Variants in LRRIQ1 observed in about 807,000 individuals in gnomAD.
LRRIQ1 encodes the protein leucine-rich repeat- and IQ domain-containing protein 1.
In LRRIQ1, 210 loss-of-function variants were observed where a neutral mutation model predicts 211.9. That is an observed-to-expected ratio of 0.99 (90% CI 0.89 to 1.11). LRRIQ1 has a LOEUF of 1.11. Ranked by LOEUF, LRRIQ1 falls within the 50% of genes most tolerant of loss-of-function variation. The pLI, the probability that LRRIQ1 is intolerant of heterozygous loss-of-function variation, is 0.00. For synonymous variants in LRRIQ1, 699 were observed against 650.1 expected, an observed-to-expected ratio of 1.08 and a Z score of -1.14; for missense variants, 2,136 against 1,939.5, an observed-to-expected ratio of 1.10 and a Z score of -1.90.
intron 26 of LRRIQ1, among the ~76,000 whole-genome samples, chr12:85,234,881 A>C (rs1437889159): frequency 6.6e-6 from 1 of 152,182 alleles, no homozygotes; most frequent in Non-Finnish European, 1.5e-5. Flanking sequence ...ATTTATATAC[A>C]CTAGACTGGA....
At chr12:85,202,020 T>C (rs1778494395) in intron 24 of LRRIQ1, among the ~76,000 whole-genome samples, 2 of 152,196 alleles carry the variant, frequency 1.3e-5, no homozygotes, top group Non-Finnish European at 2.9e-5. Flanking sequence ...AAATAATTGA[T>C]TTCTGCCTTA....
intron 24 of LRRIQ1, among the ~76,000 whole-genome samples, chr12:85,174,991 T>A (rs563103894): frequency 2.6e-5 from 4 of 152,054 alleles, no homozygotes; most frequent in Non-Finnish European, 5.9e-5. Context: ...TAAAATATAT[T>A]GAATTTCCCA....
At chr12:85,145,286 T>G (rs536901856) in intron 19 of LRRIQ1, among the ~76,000 whole-genome samples, 1 of 151,704 alleles carries the variant, frequency 6.6e-6, no homozygotes, top group South Asian at 2.1e-4. Context: ...AAATATAAAA[T>G]TATCATGATA....
intron 3 of LRRIQ1, among the ~76,000 whole-genome samples, chr12:85,043,426 C>T (rs1051066279): frequency 2.0e-5 from 3 of 152,012 alleles, no homozygotes; most frequent in Non-Finnish European, 2.9e-5. Context: ...CTGTGGCTTT[C>T]GCTCCTCAGA....
At chr12:85,165,324 A>G (rs1341194620) in intron 24 of LRRIQ1, among the ~76,000 whole-genome samples, 1 of 151,716 alleles carries the variant, frequency 6.6e-6, no homozygotes. Flanking sequence ...CCTGGGGTCT[A>G]TTGTTTCTGT....
At chr12:85,116,548 CT>C (rs1887595363) in intron 15 of LRRIQ1, among the ~76,000 whole-genome samples, 2 of 152,214 alleles carry the variant, frequency 1.3e-5, no homozygotes, top group African/African-American at 4.8e-5. Flanking sequence ...CAGCAGTTTT[CT>C]TTTTTTCTGT....
chr12:85,091,133 G>T lies in LRRIQ1; in HGVS notation c.2888-7222G>T, dbSNP rs572294170. ...CTGCTCCCTAATTGCCTTTTACGAT[G>T]ATTGTAAGCTTCCTAAGGTCTCTCT... On this transcript the variant is annotated intron_variant, in intron 11 of 26. Transcript: ENST00000393217. 2.0e-5 allele frequency among the ~76,000 whole-genome samples: 3 copies of T among 152,200 alleles called. No homozygotes were observed. In the East Asian group the frequency reaches 5.8e-4, roughly 29 times the overall value.
chr12:85,057,188 T>C lies in LRRIQ1; in HGVS notation c.2391+4T>C, dbSNP rs560030898. On this transcript the variant is annotated splice_donor_region_variant and intron_variant, in intron 8 of 26. Transcript: ENST00000393217. ...CCCTTGGGATACTTTACAGCAGGTA[T>C]TTCTAATTTTATAATAATTTTTCAC... is the stretch of plus-strand genomic sequence containing the variant. 4.3e-6 allele frequency: 6 copies of C among 1,385,254 alleles called. No homozygotes were observed. The East Asian group carries it at 1.3e-4, about 29-fold the overall frequency. The allele number at this position is 1,385,254 out of a possible 1,614,324, so 85.8% of individuals were successfully genotyped here. A position where few individuals can be genotyped will look rare whatever the true frequency, so the allele number is the denominator to read the frequency against.
At chr12:85,153,228 A>G (rs1890346387) in intron 21 of LRRIQ1, 83 bp downstream of exon 21, 1 of 1,258,758 alleles carries the variant, frequency 7.9e-7, no homozygotes, top group Non-Finnish European at 1.1e-6. Context: ...CAATTATAAA[A>G]CTAGATGTGA....
chr12:85,073,059 T>G lies in LRRIQ1; in HGVS notation c.2848T>G (p.Ser950Ala). Residue 950 changes from serine to alanine, a missense_variant, in exon 11 of 27, where the codon TCA becomes GCA. Ser to Ala is a moderately conservative substitution (Grantham distance 99). Transcript: ENST00000393217. ...WIPITSLTKN[S>A]DCNFLISHLY... Reference sequence around the variant, plus strand: ...ACCTATTACCTCACTTACAAAAAATTCAGATTGTAATTTCCTTATCTCCCA... The same window carrying G: ...ACCTATTACCTCACTTACAAAAAATGCAGATTGTAATTTCCTTATCTCCCA... 1 of 1,609,126 alleles carries G rather than the reference T, an allele frequency of 6.2e-7. No individual in the cohort carries two copies. The highest frequency in any genetic ancestry group is 1.3e-5 in the African/African-American group (1 of 74,600).
intron 24 of LRRIQ1, among the ~76,000 whole-genome samples, chr12:85,176,660 T>C (rs1049821286): frequency 1.0e-4 from 15 of 150,432 alleles, no homozygotes; most frequent in Non-Finnish European, 8.9e-5. Context: ...AGTTAGTGGG[T>C]GCAGTGCACC....
At chr12:85,198,577 T>C (rs1893125543) in intron 24 of LRRIQ1, among the ~76,000 whole-genome samples, 2 of 151,692 alleles carry the variant, frequency 1.3e-5, no homozygotes, top group South Asian at 4.1e-4. Flanking sequence ...TTAAGCATTT[T>C]TTTTTTTTGA....
At chr12:85,155,244 TA>T (rs1214218430) in intron 23 of LRRIQ1, among the ~76,000 whole-genome samples, 1 of 151,594 alleles carries the variant, frequency 6.6e-6, no homozygotes. Flanking sequence ...TTTTCAGGTT[TA>T]AAACATTAAC....
chr12:85,153,187 C>T (rs1446106251), intron 21 of LRRIQ1, 42 bp downstream of exon 21: 1 of 1,526,090 alleles, frequency 6.6e-7, no homozygotes, highest in South Asian at 1.2e-5. Context: ...TTGTGAATGA[C>T]AACAGTATTA....
At chr12:85,136,991 A>G (rs1227883666) in intron 18 of LRRIQ1, among the ~76,000 whole-genome samples, 1 of 151,762 alleles carries the variant, frequency 6.6e-6, no homozygotes, top group East Asian at 1.9e-4. Flanking sequence ...AGATGTATTT[A>G]GAGAAGTCTG....
chr12:85,123,596 A>G (rs941634641), intron 16 of LRRIQ1, among the ~76,000 whole-genome samples: 1 of 152,120 alleles, frequency 6.6e-6, no homozygotes, highest in African/African-American at 2.4e-5. Context: ...GCAATAGATT[A>G]TTATTTTTCC....
Position 85,104,060 on chromosome 12 carries a change from G to T in LRRIQ1, c.3266G>T (p.Ser1089Ile), listed in dbSNP as rs776117916. Reference sequence around the variant, plus strand: ...GTTTCATTGGAAAAGCTAGATGTCAGCCACAATTGTCTTTCTGGTAAGTTT... The same window carrying T: ...GTTTCATTGGAAAAGCTAGATGTCATCCACAATTGTCTTTCTGGTAAGTTT... ...HFVSLEKLDV[S>I]HNCLSDLKSA... The change falls in exon 14 of 27, where the codon AGC becomes ATC. Residue 1089 changes from serine to isoleucine, a missense_variant. Transcript: ENST00000393217. 7 of 1,551,640 alleles carry T rather than the reference G, an allele frequency of 4.5e-6. No individual in the cohort carries two copies. The highest frequency in any genetic ancestry group is 1.2e-5 in the South Asian group (1 of 80,832).
intron 19 of LRRIQ1, among the ~76,000 whole-genome samples, chr12:85,151,031 AG>A (rs1890207846): frequency 6.6e-6 from 1 of 151,546 alleles, no homozygotes; most frequent in South Asian, 2.1e-4. Context: ...TATTAACTAT[AG>A]TCACCATGTT....
At chr12:85,055,490 T>G (rs1320113399) in intron 7 of LRRIQ1, 57 bp from the exon 8 acceptor site, 3 of 1,276,132 alleles carry the variant, frequency 2.4e-6, no homozygotes, top group Non-Finnish European at 1.0e-6. Flanking sequence ...AGATGACATT[T>G]TAGTAACATC....
Sources: gnomAD v4.1 joint callset for allele counts (sites outside exome capture counted in the v4.1 genomes callset) on GRCh38, gnomAD v4.1.1 for gene constraint, MANE v1.5 for transcripts, NCBI Gene and HGNC (gene_info 2026-07-23, HGNC 2026-07-21) for gene names.